TEX2: variants seen among roughly 807,000 people sequenced by gnomAD.
TEX2 encodes the protein testis expressed 2, also known as testis-expressed protein 2.
In TEX2, 53 loss-of-function variants were observed where a neutral mutation model predicts 106.9. The ratio of observed to expected loss-of-function variants is 0.50; its 90% CI spans 0.40 to 0.62. The LOEUF is 0.62. Ranked by LOEUF, TEX2 falls within the 20% of genes least tolerant of loss-of-function variation. The pLI is 0.00. For synonymous variants in TEX2, 523 were observed against 534.8 expected (o/e 0.98, Z 0.30); for missense variants, 1,207 against 1,379.0 (o/e 0.88, Z 1.98).
At chr17:64,226,855 TA>T (rs1555633936) in intron 1 of TEX2, among the ~76,000 whole-genome samples, 1 of 152,010 alleles carries the variant, frequency 6.6e-6, no homozygotes, top group African/African-American at 2.4e-5. Flanking sequence ...AAAAGTAGTA[TA>T]AAAAATAATA....
rs2030194593 is a variant in TEX2, at chr17:64,148,876, G to T, written c.*93C>A. The T allele has an allele frequency of 1.4e-6, 2 of 1,480,626 alleles. No individual in the cohort carries two copies. Among genetic ancestry groups the T allele is most frequent in the Non-Finnish European group, 1.8e-6 (2 of 1,083,736 alleles). 91.7% of individuals were successfully genotyped at this position (1,480,626 alleles called of 1,614,324 possible). On this transcript the variant is annotated 3_prime_UTR_variant, in exon 12 of 12. Transcript: ENST00000584379. ...CAGTCCTTTAAGAAACAGTAGCTGT[G>T]GCACAGAGGCCAGTGCTACAGTACA...
chr17:64,211,347 T>C (rs2032995213), intron 2 of TEX2, among the ~76,000 whole-genome samples: 1 of 152,194 alleles, frequency 6.6e-6, no homozygotes, highest in Admixed American at 6.5e-5. Flanking sequence ...ACTGGAAGCA[T>C]CAAACTCCTG....
chr17:64,153,032 T>C lies in TEX2; in HGVS notation c.3053A>G (p.Asn1018Ser), dbSNP rs1324533393. ...TTCAACAGTGAGCAGCAGGGGTGTGTTGGAGACTTCTTCGATCTTCTTTTT... is the reference window on the plus strand; with the variant it reads ...TTCAACAGTGAGCAGCAGGGGTGTGCTGGAGACTTCTTCGATCTTCTTTTT... ...FIKKKIEEVS[N>S]TPLLLTVEVQ... The change falls in exon 10 of 12, where the codon AAC (asparagine) becomes AGC (serine). Residue 1018 changes from asparagine (N) to serine (S), a missense_variant. Asn to Ser is a conservative substitution (Grantham distance 46). This residue lies in a region of TEX2 where 63 missense variants were observed against 112.2 expected (regional missense o/e 0.56). Coordinates refer to ENST00000584379, the MANE Select transcript of TEX2 (RefSeq NM_001288732.2). The surrounding 1 kb of genome is among the most constrained non-coding windows in gnomAD (Gnocchi z 4.1). The C allele has an allele frequency of 1.2e-6, 2 of 1,614,214 alleles. No homozygotes were observed. Among genetic ancestry groups the C allele is most frequent in the East Asian group, 2.2e-5 (1 of 44,884 alleles).
intron 9 of TEX2, among the ~76,000 whole-genome samples, chr17:64,154,529 G>A (rs377304494): frequency 1.3e-5 from 2 of 152,188 alleles, no homozygotes; most frequent in Non-Finnish European, 2.9e-5. Flanking sequence ...TCTCCGGGGG[G>A]AGGGGGTGTA....
At chr17:64,214,761 A>C (rs1392178424) in intron 1 of TEX2, among the ~76,000 whole-genome samples, 1 of 152,200 alleles carries the variant, frequency 6.6e-6, no homozygotes, top group Non-Finnish European at 1.5e-5. Context: ...GCATCTCCCA[A>C]CTTCCTGCTA....
At chr17:64,191,304 C>A (rs771940959) in intron 4 of TEX2, among the ~76,000 whole-genome samples, 2 of 152,124 alleles carry the variant, frequency 1.3e-5, no homozygotes, top group Non-Finnish European at 2.9e-5. Context: ...TAAAAATAAT[C>A]AAATGCTTTA....
intron 4 of TEX2, among the ~76,000 whole-genome samples, chr17:64,190,017 A>G (rs557408321): frequency 1.3e-5 from 2 of 151,876 alleles, no homozygotes; most frequent in African/African-American, 4.8e-5. Flanking sequence ...GAAAGAAAGA[A>G]ATCAAAAAAT....
rs141423560 is a variant in TEX2 at position 64,176,817 on chromosome 17, G to A, written c.2571+508C>T. On this transcript the variant is annotated intron_variant, in intron 6 of 11. Transcript: ENST00000584379. ...GAGAGGGAGCACAGCCTGGGAAAGA[G>A]GCCTTAAGTAGTCTGGTGTTTTCCT... Among the ~76,000 whole-genome samples the A allele has an allele frequency of 4.1e-3, 627 of 152,304 alleles. 6 individuals carry two copies. Among genetic ancestry groups the A allele is most frequent in the African/African-American group, 0.014 (590 of 41,562 alleles).
Position 64,171,216 on chromosome 17 carries a change from A to C in TEX2, c.2572-17T>G. The C allele has an allele frequency of 6.2e-7, 1 of 1,606,914 alleles. No homozygotes were observed. Among genetic ancestry groups the C allele is most frequent in the South Asian group, 1.1e-5 (1 of 90,798 alleles). On this transcript the variant is annotated splice_polypyrimidine_tract_variant and intron_variant, in intron 6 of 11. Transcript: ENST00000584379. Reference sequence around the variant, plus strand: ...GTAGGGGAGCTAGAGGAAACAAGCAAACAATGAGTGAGACCCATGAGCAAC... The same window carrying C: ...GTAGGGGAGCTAGAGGAAACAAGCACACAATGAGTGAGACCCATGAGCAAC...
rs782577343 is a variant in TEX2, at chr17:64,213,713, TAGA to T, written c.502_504del (p.Ser168del). 14 of 1,613,858 alleles carry T rather than the reference TAGA, an allele frequency of 8.7e-6. No individual in the cohort carries two copies. The highest frequency in any genetic ancestry group is 1.1e-5 in the Non-Finnish European group (13 of 1,179,992). ...GCACTGGATGAGAGGATGGGAGACT[TAGA>T]AGGAGAGGACAATGGGGAGGAAGAA... On this transcript the variant is annotated inframe_deletion, in exon 2 of 12. Transcript: ENST00000584379. This position sits in a 1 kb window ranked among gnomAD's most constrained non-coding sequence, Gnocchi z 4.4.
chr17:64,149,934 AAAAG>A (rs1380777474), intron 11 of TEX2: 1 of 151,500 alleles, frequency 6.6e-6, no homozygotes, highest in Non-Finnish European at 1.5e-5. Context: ...AAAAAAAAAA[AAAAG>A]AAAGAAAAAG....
chr17:64,247,869 T>C (rs186554021), intron 1 of TEX2, among the ~76,000 whole-genome samples: 3 of 152,282 alleles, frequency 2.0e-5, no homozygotes, highest in East Asian at 3.9e-4. Context: ...GAGACACAGA[T>C]ATTTCTCTTC....
intron 2 of TEX2, among the ~76,000 whole-genome samples, chr17:64,196,981 G>GTTTTTTTTT (rs2032490681): frequency 1.7e-4 from 7 of 41,714 alleles, no homozygotes; most frequent in Non-Finnish European, 2.5e-4. Context: ...GTCAAATCAA[G>GTTTTTTTTT]ATTTTTTTTT....
intron 1 of TEX2, among the ~76,000 whole-genome samples, chr17:64,231,535 T>C (rs1235754641): frequency 1.3e-5 from 2 of 152,226 alleles, no homozygotes; most frequent in East Asian, 1.9e-4. Flanking sequence ...GGGGTTCCTG[T>C]TCGCCAGCAA....
At position 64,148,034 on chromosome 17, in the gene TEX2, G is replaced by A. The variant is rs1421835101; in HGVS notation, c.*935C>T. The A allele has an allele frequency of 6.6e-6, 1 of 152,484 alleles. No homozygotes were observed. Among genetic ancestry groups the A allele is most frequent in the Non-Finnish European group, 1.5e-5 (1 of 68,022 alleles). 9.4% of individuals were successfully genotyped at this position (152,484 alleles called of 1,614,324 possible). A position where few individuals can be genotyped will look rare whatever the true frequency, so the allele number is the denominator to read the frequency against. ...GGTCTTGACTCTTGAAATAATTAAAGAGAGCAGTTCTCCGTTTTGGCCTTC... is the reference window on the plus strand; with the variant it reads ...GGTCTTGACTCTTGAAATAATTAAAAAGAGCAGTTCTCCGTTTTGGCCTTC... On this transcript the variant is annotated 3_prime_UTR_variant, in exon 12 of 12. Coordinates refer to ENST00000584379, the MANE Select transcript of TEX2 (RefSeq NM_001288732.2).
intron 5 of TEX2, 85 bp from the exon 6 acceptor site, chr17:64,177,556 C>A: frequency 6.9e-7 from 1 of 1,458,212 alleles, no homozygotes; most frequent in Non-Finnish European, 9.3e-7. Flanking sequence ...CACTGAAGGT[C>A]CCTCCTTATA....
chr17:64,254,401 G>T (rs1555637406), intron 1 of TEX2, among the ~76,000 whole-genome samples: 1 of 152,208 alleles, frequency 6.6e-6, no homozygotes, highest in East Asian at 1.9e-4. Flanking sequence ...ACCAGGAATG[G>T]TGGTTTAATA....
At chr17:64,223,741 G>A (rs1398039613) in intron 1 of TEX2, among the ~76,000 whole-genome samples, 1 of 138,510 alleles carries the variant, frequency 7.2e-6, no homozygotes, top group Non-Finnish European at 1.5e-5. Context: ...TTGCGATGGA[G>A]TTTCACTCTT....
intron 8 of TEX2, among the ~76,000 whole-genome samples, chr17:64,158,348 G>C (rs1196640300): frequency 6.6e-6 from 1 of 152,222 alleles, no homozygotes; most frequent in Non-Finnish European, 1.5e-5. Flanking sequence ...AAAGCAGTGA[G>C]ATGAAGCCGA....
Sources: gnomAD v4.1 joint callset for allele counts (sites outside exome capture counted in the v4.1 genomes callset) on GRCh38, gnomAD v4.1.1 for gene constraint, gnomAD v4.1.1 regional missense constraint, Gnocchi (gnomAD v3.1) non-coding constraint, MANE v1.5 for transcripts, NCBI Gene and HGNC (gene_info 2026-07-23, HGNC 2026-07-21) for gene names.